The following COL27A1 variants were observed in gnomAD, a reference collection of about 807,000 sequenced individuals.
The protein encoded by COL27A1 is collagen type XXVII alpha 1 chain.
In COL27A1, 106 loss-of-function variants were observed where a neutral mutation model predicts 251.3. The observed-to-expected ratio is 0.42, with a 90% CI of 0.36 to 0.50. COL27A1 has a LOEUF of 0.50. Among genes scored for constraint, COL27A1 ranks in the 20% least tolerant of loss-of-function variants. The pLI is 0.00. For synonymous variants in COL27A1, 1,000 were observed against 986.3 expected (o/e 1.01, Z -0.26); for missense variants, 2,325 against 2,522.8 (o/e 0.92, Z 1.68).
In COL27A1 at chr9:114,218,925, C is replaced by T. The variant is rs556174623; in HGVS notation, c.2368-866C>T. Among the ~76,000 whole-genome samples, 5 of 149,968 alleles carry T rather than the reference C, an allele frequency of 3.3e-5. No individual in the cohort carries two copies. The South Asian group carries it at 1.1e-3, about 32-fold the overall frequency. ...CCATTTGAATCATAGCCCCAGCATT[C>T]ACTTGGTCAGGAAAACATGTGCTTT... On this transcript the variant is annotated intron_variant, in intron 12 of 60. Coordinates refer to ENST00000356083, the MANE Select transcript of COL27A1 (RefSeq NM_032888.4).
At chr9:114,240,121 G>A in intron 19 of COL27A1, 99 bp from the exon 20 acceptor site, 2 of 1,073,218 alleles carry the variant, frequency 1.9e-6, no homozygotes, top group Non-Finnish European at 2.9e-6. Context: ...CATCCCAGCA[G>A]GATGAGATGG....
chr9:114,301,306 G>C lies in COL27A1; in HGVS notation c.4778G>C (p.Ser1593Thr). The change falls in exon 53 of 61, where the codon AGC becomes ACC. Residue 1593 changes from serine (S) to threonine (T), a missense_variant. This residue lies in a region of COL27A1 where 327 missense variants were observed against 442.8 expected (regional missense o/e 0.74). Coordinates refer to ENST00000356083, the MANE Select transcript of COL27A1 (RefSeq NM_032888.4). Reference sequence around the variant, plus strand: ...CAGGGTCCGAAGGGTGACAAAGGCAGCCGTGGGGACTGGGTAAGTGGATGG... The same window carrying C: ...CAGGGTCCGAAGGGTGACAAAGGCACCCGTGGGGACTGGGTAAGTGGATGG... ...GLPGPKGDKG[S>T]RGDWGLQGPR... 1 of 1,613,488 alleles carries C rather than the reference G, an allele frequency of 6.2e-7. No homozygotes were observed. Among genetic ancestry groups the C allele is most frequent in the Non-Finnish European group, 8.5e-7 (1 of 1,179,782 alleles).
At chr9:114,253,756 G>A (rs967957440) in intron 27 of COL27A1, among the ~76,000 whole-genome samples, 5 of 152,208 alleles carry the variant, frequency 3.3e-5, no homozygotes, top group Admixed American at 2.0e-4. Context: ...AAATGGAAGC[G>A]TGGGGCTAAT....
Position 114,240,233 on chromosome 9 carries a change from A to G in COL27A1, c.2741A>G (p.Asp914Gly). ...GCTTCCCCTCAGGGATTCCCAGGAG[A>G]CATCGGCCCCCCTGGCGACAATGGC... ...GPPGPEGFPG[D>G]IGPPGDNGPE... is the part of the protein sequence containing the mutation. The change falls in exon 20 of 61, where the codon GAC becomes GGC. Residue 914 changes from aspartate (D) to glycine (G), a missense_variant. Coordinates refer to ENST00000356083, the MANE Select transcript of COL27A1 (RefSeq NM_032888.4). The G allele has an allele frequency of 6.2e-7, 1 of 1,610,950 alleles. No individual in the cohort carries two copies. The highest frequency in any genetic ancestry group is 8.5e-7 in the Non-Finnish European group (1 of 1,178,360).
rs766621833 is a variant in COL27A1 at position 114,288,591 on chromosome 9, G to C, written c.4044+80G>C. 4 of 1,539,618 alleles carry C rather than the reference G, an allele frequency of 2.6e-6. No homozygotes were observed. The African/African-American group carries it at 4.1e-5, about 16-fold the overall frequency. On this transcript the variant is annotated intron_variant, in intron 42 of 60. Coordinates refer to ENST00000356083, the MANE Select transcript of COL27A1 (RefSeq NM_032888.4). ...CCCGCTGCATGGAGAGGGGTGGGCC[G>C]ATCAGGGGCCAGGTCCCTGAGAGCT...
intron 17 of COL27A1, 47 bp downstream of exon 17, chr9:114,235,699 G>GCCCTC: frequency 6.8e-7 from 1 of 1,468,616 alleles, no homozygotes; most frequent in Non-Finnish European, 9.5e-7. Flanking sequence ...CCCCTGCCCT[G>GCCCTC]CTGTTCCCCT....
chr9:114,280,664 G>A (rs1388982721), intron 37 of COL27A1, among the ~76,000 whole-genome samples: 3 of 152,188 alleles, frequency 2.0e-5, no homozygotes, highest in Non-Finnish European at 4.4e-5. Context: ...GAAAGAGCAG[G>A]ATTTGTCCAG....
intron 28 of COL27A1, among the ~76,000 whole-genome samples, chr9:114,263,661 G>T (rs1834516132): frequency 6.6e-6 from 1 of 152,124 alleles, no homozygotes; most frequent in Non-Finnish European, 1.5e-5. Context: ...AGGGGGGATG[G>T]GGGTGGACTC....
chr9:114,288,816 C>T (rs1827699403), intron 43 of COL27A1, 61 bp downstream of exon 43: 1 of 1,600,954 alleles, frequency 6.2e-7, no homozygotes, highest in African/African-American at 1.3e-5. Flanking sequence ...GGGGGGATGA[C>T]ACATGTCTAG....
intron 5 of COL27A1, among the ~76,000 whole-genome samples, chr9:114,194,058 C>T (rs950132472): frequency 4.6e-5 from 7 of 152,006 alleles, no homozygotes; most frequent in African/African-American, 9.7e-5. Context: ...ATGGCTGGGG[C>T]GTGGGCTGTG....
chr9:114,263,631 C>G (rs1006827484), intron 28 of COL27A1, among the ~76,000 whole-genome samples: 2 of 152,132 alleles, frequency 1.3e-5, no homozygotes, highest in African/African-American at 4.8e-5. Context: ...TTGGCTGGGC[C>G]TTAGTATTCC....
chr9:114,204,207 C>T (rs1829777374), intron 7 of COL27A1, among the ~76,000 whole-genome samples: 1 of 152,124 alleles, frequency 6.6e-6, no homozygotes, highest in South Asian at 2.1e-4. Flanking sequence ...TAGGAACCCA[C>T]CCAAAGTTGC....
chr9:114,247,719 G>C (rs899812148), intron 24 of COL27A1, among the ~76,000 whole-genome samples: 1 of 152,212 alleles, frequency 6.6e-6, no homozygotes, highest in Non-Finnish European at 1.5e-5. Flanking sequence ...AAGGCACATG[G>C]AGGTACCATG....
At position 114,282,502 on chromosome 9, in the gene COL27A1, G is replaced by A; in HGVS notation, c.3817G>A (p.Gly1273Arg). 6.3e-7 allele frequency: 1 copy of A among 1,584,670 alleles called. No individual in the cohort carries two copies. The highest frequency in any genetic ancestry group is 8.6e-7 in the Non-Finnish European group (1 of 1,166,136). ...ACAGCTGGGTGAGATGGGCGTCCCT[G>A]GAGACCCTGGACCCCCTGGCACTCC... ...QGQLGEMGVP[G>R]DPGPPGTPGP... Residue 1273 changes from glycine to arginine, a missense_variant, in exon 39 of 61, where the codon GGA becomes AGA. Gly to Arg is a moderately radical substitution (Grantham distance 125). This residue lies in a region of COL27A1 where 662 missense variants were observed against 795.3 expected (regional missense o/e 0.83). Transcript: ENST00000356083.
intron 28 of COL27A1, among the ~76,000 whole-genome samples, chr9:114,262,610 G>A (rs754910501): frequency 1.4e-4 from 21 of 152,216 alleles, no homozygotes; most frequent in Non-Finnish European, 2.4e-4. Flanking sequence ...CTGTCTTGAG[G>A]GAGAGATTTC....
chr9:114,211,241 C>T (rs919578642), intron 12 of COL27A1, among the ~76,000 whole-genome samples: 2 of 152,198 alleles, frequency 1.3e-5, no homozygotes, highest in African/African-American at 4.8e-5. Flanking sequence ...GGCTCTGGAC[C>T]CCTCTGGGGT....
At chr9:114,242,763 G>T (rs909077718) in intron 22 of COL27A1, among the ~76,000 whole-genome samples, 2 of 152,224 alleles carry the variant, frequency 1.3e-5, no homozygotes, top group Non-Finnish European at 2.9e-5. Context: ...CACCTACTGA[G>T]ATTAGTAATT....
Position 114,311,548 on chromosome 9 carries a change from G to GAAAA in COL27A1, c.*867_*870dup, listed in dbSNP as rs56094843. On this transcript the variant is annotated 3_prime_UTR_variant, in exon 61 of 61. Coordinates refer to ENST00000356083, the MANE Select transcript of COL27A1 (RefSeq NM_032888.4). The stretch of plus-strand genomic sequence containing the variant: ...AGGAGGAAAAAAGAAAAGAAAAAAG[G>GAAAA]AAAAAAAAAAAAAAAAAGCAAAACA... 4.2e-5 allele frequency: 4 copies of GAAAA among 96,222 alleles called. No homozygotes were observed. The highest frequency in any genetic ancestry group is 1.4e-4 in the African/African-American group (4 of 29,318). The allele number at this position is 96,222 out of a possible 1,614,324, so 6.0% of individuals were successfully genotyped here.
At chr9:114,252,477 C>A (rs1396565390) in intron 25 of COL27A1, 116 bp from the exon 26 acceptor site, 3 of 841,716 alleles carry the variant, frequency 3.6e-6, no homozygotes, top group Middle Eastern at 2.4e-4. Context: ...CCTCTAGAGA[C>A]CTTGAGCAAA....
Sources: allele counts gnomAD v4.1 joint callset (sites outside exome capture counted in the v4.1 genomes callset), GRCh38; gene constraint gnomAD v4.1.1; regional missense constraint gnomAD v4.1.1; transcripts MANE v1.5; gene names NCBI Gene and HGNC (gene_info 2026-07-23, HGNC 2026-07-21).